The following TMEM245 variants were observed in gnomAD, a reference collection of about 807,000 sequenced individuals.
The protein encoded by TMEM245 is protein CG-2.
Under a neutral mutation model 101.2 loss-of-function variants are expected in TMEM245, and 69 were observed. The observed-to-expected ratio is 0.68, with a 90% CI of 0.56 to 0.83. The LOEUF is 0.83. TMEM245 is among the 40% of genes least tolerant of loss of function. The probability of loss-of-function intolerance (pLI) is 0.00; values close to 1 mark genes in which losing one functional copy is unlikely to be tolerated. For missense variants in TMEM245, 1,075 were observed against 1,092.8 expected, an observed-to-expected ratio of 0.98 and a Z score of 0.23; for synonymous variants, 537 against 449.8, an observed-to-expected ratio of 1.19 and a Z score of -2.45.
intron 1 of TMEM245, among the ~76,000 whole-genome samples, chr9:109,115,567 G>A (rs1830701772): frequency 9.8e-6 from 1 of 101,882 alleles, no homozygotes; most frequent in Non-Finnish European, 1.8e-5. Context: ...GTCTCACTCT[G>A]TTGCCCAGGC....
At chr9:109,065,342 AAC>A (rs1246253993) in intron 9 of TMEM245, among the ~76,000 whole-genome samples, 1 of 152,166 alleles carries the variant, frequency 6.6e-6, no homozygotes, top group Non-Finnish European at 1.5e-5. Context: ...CTGAAAAAGG[AAC>A]ACGACTAGGG....
In TMEM245 at chr9:109,041,270, G is replaced by A. The variant is rs138271352; in HGVS notation, c.2124-3153C>T. ...GTAGAAAATGTGGTGTGTGCACAAG[G>A]AAATACTATTCAGCCCCCCCAAAAG... is the stretch of plus-strand genomic sequence containing the variant. On this transcript the variant is annotated intron_variant, in intron 14 of 17. Coordinates refer to ENST00000374586, the MANE Select transcript of TMEM245 (RefSeq NM_032012.4). Among the ~76,000 whole-genome samples, 118 of 152,094 alleles carry A rather than the reference G, an allele frequency of 7.8e-4. No homozygotes were observed. In the East Asian group the frequency reaches 0.012, roughly 15 times the overall value.
rs189082878 is a variant in TMEM245 at position 109,017,205 on chromosome 9, T to C, written c.*3255A>G. The C allele has an allele frequency of 2.6e-5, 4 of 152,258 alleles. No homozygotes were observed. The East Asian group carries it at 7.7e-4, about 29-fold the overall frequency. The allele number at this position is 152,258 out of a possible 1,614,324, so 9.4% of individuals were successfully genotyped here. A position where few individuals can be genotyped will look rare whatever the true frequency, so the allele number is the denominator to read the frequency against. On this transcript the variant is annotated 3_prime_UTR_variant, in exon 18 of 18. Coordinates refer to ENST00000374586, the MANE Select transcript of TMEM245 (RefSeq NM_032012.4). ...CAGCCCTTTAACTGTAAAAAGCAGTTCCACTTTCAAAGGCTACAGAGTTTG... is the reference window on the plus strand; with the variant it reads ...CAGCCCTTTAACTGTAAAAAGCAGTCCCACTTTCAAAGGCTACAGAGTTTG...
intron 9 of TMEM245, among the ~76,000 whole-genome samples, chr9:109,072,430 G>A (rs577055261): frequency 6.6e-6 from 1 of 152,182 alleles, no homozygotes; most frequent in Non-Finnish European, 1.5e-5. Flanking sequence ...TTTTCACCCT[G>A]AACATCTGCT....
chr9:109,023,001 C>T (rs1286583612), intron 17 of TMEM245, among the ~76,000 whole-genome samples: 1 of 152,222 alleles, frequency 6.6e-6, no homozygotes, highest in African/African-American at 2.4e-5. Flanking sequence ...AGCCTAGTCA[C>T]TGCTCTCTGT....
intron 14 of TMEM245, among the ~76,000 whole-genome samples, chr9:109,048,400 A>G (rs1828565115): frequency 6.6e-6 from 1 of 152,160 alleles, no homozygotes; most frequent in South Asian, 2.1e-4. Context: ...CAGTGAAAAA[A>G]TATACCAAGA....
intron 14 of TMEM245, among the ~76,000 whole-genome samples, chr9:109,043,265 T>C (rs539736632): frequency 3.9e-5 from 6 of 152,208 alleles, no homozygotes; most frequent in Non-Finnish European, 7.3e-5. Context: ...TCAAATCTCT[T>C]GCAAACATCA....
At chr9:109,077,146 G>A (rs999796743) in intron 8 of TMEM245, among the ~76,000 whole-genome samples, 7 of 151,464 alleles carry the variant, frequency 4.6e-5, no homozygotes, top group African/African-American at 7.3e-5. Context: ...GTTTTTTGGC[G>A]TGTTTCGTTT....
rs1743068095 is a variant in TMEM245, at chr9:109,114,087, CAAAACA to C, written c.579+5242_579+5247del. ...GCGTAAATCCATCCCCAAAACAAAA[CAAAACA>C]AAAACACCACAACTACAAACCTCCT... On this transcript the variant is annotated intron_variant, in intron 1 of 17. Coordinates refer to ENST00000374586, the MANE Select transcript of TMEM245 (RefSeq NM_032012.4). Among the ~76,000 whole-genome samples the C allele has an allele frequency of 2.6e-5, 4 of 151,462 alleles. No individual in the cohort carries two copies. The South Asian group carries it at 6.2e-4, about 24-fold the overall frequency.
At position 109,018,073 on chromosome 9, in the gene TMEM245, C is replaced by T. The variant is rs1372249556; in HGVS notation, c.*2387G>A. 2 of 152,142 alleles carry T rather than the reference C, an allele frequency of 1.3e-5. No individual in the cohort carries two copies. Among genetic ancestry groups the T allele is most frequent in the Non-Finnish European group, 2.9e-5 (2 of 68,034 alleles). The allele number at this position is 152,142 out of a possible 1,614,324, so 9.4% of individuals were successfully genotyped here. A position where few individuals can be genotyped will look rare whatever the true frequency, so the allele number is the denominator to read the frequency against. The stretch of plus-strand genomic sequence containing the variant: ...AGCTCTAAAGTATTCTCTTAAAGAC[C>T]TCTAAGAACCTGATATTTATGCTAA... On this transcript the variant is annotated 3_prime_UTR_variant, in exon 18 of 18. Transcript: ENST00000374586.
At position 109,050,799 on chromosome 9, in the gene TMEM245, G is replaced by A. The variant is rs984020024; in HGVS notation, c.1855-107C>T. On this transcript the variant is annotated intron_variant, in intron 12 of 17. Coordinates refer to ENST00000374586, the MANE Select transcript of TMEM245 (RefSeq NM_032012.4). ...GTGTTTTAGTACCATGAACTGAAAA[G>A]CTAAGAACTGAGGATTATTTCAAAT... 23 of 1,167,446 alleles carry A rather than the reference G, an allele frequency of 2.0e-5. No individual in the cohort carries two copies. In the African/African-American group the frequency reaches 2.4e-4, roughly 12 times the overall value. The allele number at this position is 1,167,446 out of a possible 1,614,324, so 72.3% of individuals were successfully genotyped here.
chr9:109,036,169 G>A (rs1192535967), intron 16 of TMEM245, 37 bp downstream of exon 16: 8 of 1,513,002 alleles, frequency 5.3e-6, no homozygotes, highest in Non-Finnish European at 5.3e-6. Context: ...GAAATGCCTG[G>A]ATGATTCACT....
chr9:109,105,526 T>C (rs1015248311), intron 3 of TMEM245, among the ~76,000 whole-genome samples: 4 of 152,238 alleles, frequency 2.6e-5, no homozygotes, highest in Admixed American at 1.3e-4. Context: ...AAAACGTGTA[T>C]TCAAATAAAT....
intron 6 of TMEM245, 65 bp downstream of exon 6, chr9:109,087,108 G>C: frequency 7.0e-7 from 1 of 1,433,548 alleles, no homozygotes; most frequent in Non-Finnish European, 9.3e-7. Flanking sequence ...CCATAGAATG[G>C]AAAAGTTCAA....
intron 7 of TMEM245, among the ~76,000 whole-genome samples, chr9:109,083,015 GGACAAGAAGGGA>G (rs1288796279): frequency 6.6e-6 from 1 of 151,938 alleles, no homozygotes; most frequent in African/African-American, 2.4e-5. Flanking sequence ...GCTGAGAACA[GGACAAGAAGGGA>G]GACAGTAAGA....
At chr9:109,038,618 A>G (rs774553676) in intron 14 of TMEM245, 3 of 152,454 alleles carry the variant, frequency 2.0e-5, no homozygotes, top group Non-Finnish European at 2.9e-5. Flanking sequence ...AAATCTTCCT[A>G]TGTTTCTTAA....
chr9:109,044,722 G>A (rs187311102), intron 14 of TMEM245, among the ~76,000 whole-genome samples: 34 of 151,236 alleles, frequency 2.2e-4, no homozygotes, highest in Middle Eastern at 3.5e-3. Flanking sequence ...TCAGATAGGG[G>A]TAATTGGCAT....
intron 11 of TMEM245, among the ~76,000 whole-genome samples, chr9:109,058,374 A>G (rs1222856752): frequency 6.6e-6 from 1 of 152,038 alleles, no homozygotes; most frequent in Non-Finnish European, 1.5e-5. Context: ...AAGCAAACGT[A>G]AGGCAGTAAA....
At chr9:109,056,614 C>CA (rs541500681) in intron 12 of TMEM245, among the ~76,000 whole-genome samples, 15 of 151,090 alleles carry the variant, frequency 9.9e-5, no homozygotes, top group Admixed American at 4.0e-4. Flanking sequence ...AACTCCGTCT[C>CA]AAAAAAAAAT....
Sources: allele counts gnomAD v4.1 joint callset (sites outside exome capture counted in the v4.1 genomes callset), GRCh38; gene constraint gnomAD v4.1.1; transcripts MANE v1.5; gene names NCBI Gene and HGNC (gene_info 2026-07-23, HGNC 2026-07-21).